RBM19: variants seen among roughly 807,000 people sequenced by gnomAD.
RBM19 encodes RNA binding motif protein 19.
Under a neutral mutation model 116.8 loss-of-function variants are expected in RBM19, and 94 were observed. That is an observed-to-expected ratio of 0.80 (90% CI 0.68 to 0.95). RBM19 has a LOEUF of 0.95. Ranked by LOEUF, RBM19 falls within the 40% of genes least tolerant of loss-of-function variation. The probability of loss-of-function intolerance (pLI) is 0.00; values close to 1 mark genes in which losing one functional copy is unlikely to be tolerated. For missense variants in RBM19, 1,161 were observed against 1,220.7 expected, an observed-to-expected ratio of 0.95 and a Z score of 0.73; for synonymous variants, 475 against 494.1, an observed-to-expected ratio of 0.96 and a Z score of 0.51.
Position 113,955,175 on chromosome 12 carries a change from A to G in RBM19, c.877T>C (p.Cys293Arg). Residue 293 changes from cysteine (C) to arginine (R), a missense_variant, in exon 7 of 24, where the codon TGC (cysteine) becomes CGC (arginine). Coordinates refer to ENST00000261741, the MANE Select transcript of RBM19 (RefSeq NM_016196.4). ...GCTCCCCGCAGCTTCACGGTGTGGC[A>G]GGTGGTGGGTTCCTTCTGGTTTGCT... is the stretch of plus-strand genomic sequence containing the variant. ...KPANQKEPTT[C>R]HTVKLRGAPF... The G allele has an allele frequency of 6.2e-7, 1 of 1,613,990 alleles. No homozygotes were observed. Among genetic ancestry groups the G allele is most frequent in the Non-Finnish European group, 8.5e-7 (1 of 1,179,928 alleles).
intron 21 of RBM19, 65 bp from the exon 22 acceptor site, chr12:113,858,961 A>T (rs1878148037): frequency 7.0e-6 from 10 of 1,427,398 alleles, no homozygotes; most frequent in Non-Finnish European, 9.9e-6. Context: ...TCGGGAAGGC[A>T]GGACTGATTC....
chr12:113,965,346 A>AGAC, intron 1 of RBM19, among the ~76,000 whole-genome samples: 1 of 145,150 alleles, frequency 6.9e-6, no homozygotes, highest in Admixed American at 6.9e-5. Context: ...AAAGAGAGAG[A>AGAC]AAAAAAAGAG....
chr12:113,938,790 C>T (rs917927881), intron 15 of RBM19, among the ~76,000 whole-genome samples: 4 of 152,146 alleles, frequency 2.6e-5, no homozygotes, highest in Admixed American at 6.5e-5. Context: ...TGGAGTGATG[C>T]AGCCATGGGC....
Position 113,903,505 on chromosome 12 carries a change from GT to G in RBM19, c.2558+11463del, listed in dbSNP as rs1176331993. On this transcript the variant is annotated intron_variant, in intron 21 of 23. Coordinates refer to ENST00000261741, the MANE Select transcript of RBM19 (RefSeq NM_016196.4). This position sits in a 1 kb window ranked among gnomAD's most constrained non-coding sequence, Gnocchi z 5.1. ...GTGCAATCACTGGGTCATAGAGAAA[GT>G]GCACGTTTTACTTTGTAAGAAACTG... Among the ~76,000 whole-genome samples, 1 of 152,214 alleles carries G rather than the reference GT, an allele frequency of 6.6e-6. No individual in the cohort carries two copies. The highest frequency in any genetic ancestry group is 1.5e-5 in the Non-Finnish European group (1 of 68,034).
intron 20 of RBM19, 44 bp from the exon 21 acceptor site, chr12:113,915,129 G>A (rs1882697037): frequency 1.4e-6 from 2 of 1,465,994 alleles, no homozygotes; most frequent in South Asian, 1.1e-5. Context: ...CGGAGCTTCA[G>A]CAGCTCCTGC....
chr12:113,817,569 G>C (rs1874131039), downstream of RBM19: 1 of 152,282 alleles, frequency 6.6e-6, no homozygotes, highest in African/African-American at 2.4e-5. Flanking sequence ...ACCAGCGGAG[G>C]ATGCCAGCTC....
intron 21 of RBM19, among the ~76,000 whole-genome samples, chr12:113,876,617 C>T (rs550522420): frequency 6.3e-4 from 95 of 151,954 alleles, no homozygotes; most frequent in African/African-American, 2.2e-3. Flanking sequence ...ATGGTGAAAC[C>T]CCGTCTGTAC....
At chr12:113,934,180 TG>T (rs1462891088) in intron 16 of RBM19, among the ~76,000 whole-genome samples, 3 of 152,208 alleles carry the variant, frequency 2.0e-5, no homozygotes, top group Non-Finnish European at 4.4e-5. Context: ...CTTGAACTTC[TG>T]GACTCGAGTG....
intron 21 of RBM19, among the ~76,000 whole-genome samples, chr12:113,869,114 T>G (rs2135760835): frequency 6.6e-6 from 1 of 152,280 alleles, no homozygotes; most frequent in African/African-American, 2.4e-5. Context: ...AGGTGACCCC[T>G]CCTAAGCCCT....
At chr12:113,930,532 A>G (rs1869512082) in intron 16 of RBM19, among the ~76,000 whole-genome samples, 2 of 152,236 alleles carry the variant, frequency 1.3e-5, no homozygotes, top group African/African-American at 2.4e-5. Context: ...GGGAACTGTG[A>G]GGAAGGTGAA....
chr12:113,824,304 T>G (rs1040266418), intron 23 of RBM19, among the ~76,000 whole-genome samples: 1 of 152,186 alleles, frequency 6.6e-6, no homozygotes, highest in Non-Finnish European at 1.5e-5. Flanking sequence ...ACAGTCTTTC[T>G]GCTTTTTATG....
chr12:113,905,067 C>A (rs1593560515), intron 21 of RBM19, among the ~76,000 whole-genome samples: 2 of 152,342 alleles, frequency 1.3e-5, no homozygotes, highest in East Asian at 3.9e-4. Context: ...CTCCTCACAC[C>A]TGCTAGTCCC....
chr12:113,939,831 C>A, intron 15 of RBM19, 129 bp downstream of exon 15: 3 of 929,034 alleles, frequency 3.2e-6, no homozygotes, highest in East Asian at 2.5e-5. Flanking sequence ...CAGCCATGAT[C>A]GTGACGGGCG....
intron 21 of RBM19, among the ~76,000 whole-genome samples, chr12:113,877,840 C>A (rs1312523149): frequency 1.3e-5 from 2 of 152,144 alleles, no homozygotes; most frequent in African/African-American, 4.8e-5. Flanking sequence ...GCGAGTGAGG[C>A]CCAGCTCCTG....
At chr12:113,854,250 C>T (rs537938251) in intron 22 of RBM19, among the ~76,000 whole-genome samples, 8 of 152,270 alleles carry the variant, frequency 5.3e-5, no homozygotes, top group African/African-American at 1.9e-4. Flanking sequence ...CTACACCATC[C>T]CTGCCAAAGA....
chr12:113,841,739 G>C (rs1003635623), intron 23 of RBM19, among the ~76,000 whole-genome samples: 1 of 152,086 alleles, frequency 6.6e-6, no homozygotes, highest in Non-Finnish European at 1.5e-5. Flanking sequence ...GTTTTTTCTT[G>C]AGTGACGTTT....
intron 16 of RBM19, among the ~76,000 whole-genome samples, chr12:113,935,184 C>T (rs574460337): frequency 3.3e-5 from 5 of 152,284 alleles, no homozygotes; most frequent in South Asian, 2.1e-4. Context: ...GGAGCCACCA[C>T]GTGTCCCCAG....
chr12:113,908,384 C>T (rs746569533), intron 21 of RBM19, among the ~76,000 whole-genome samples: 2 of 151,816 alleles, frequency 1.3e-5, no homozygotes, highest in Admixed American at 6.6e-5. Context: ...TCCACTGTCA[C>T]GGCCACTGCA....
At chr12:113,891,768 C>G (rs1156948848) in intron 21 of RBM19, among the ~76,000 whole-genome samples, 1 of 152,168 alleles carries the variant, frequency 6.6e-6, no homozygotes, top group Admixed American at 6.5e-5. Flanking sequence ...AAAGATAAAA[C>G]TTTTGCGAAC....
Sources: gnomAD v4.1 joint callset for allele counts (sites outside exome capture counted in the v4.1 genomes callset) on GRCh38, gnomAD v4.1.1 for gene constraint, Gnocchi (gnomAD v3.1) non-coding constraint, MANE v1.5 for transcripts, NCBI Gene and HGNC (gene_info 2026-07-23, HGNC 2026-07-21) for gene names.